CLEC16A: variants seen among roughly 807,000 people sequenced by gnomAD.
CLEC16A encodes the protein C-type lectin domain containing 16A, also known as protein CLEC16A.
CLEC16A carries 51 observed loss-of-function variants against 109.5 expected under a neutral mutation model. That is an observed-to-expected ratio of 0.47 (90% CI 0.37 to 0.59). The LOEUF (loss-of-function observed/expected upper bound fraction) is 0.59, where lower values mean the gene tolerates loss of function less well. Among genes scored for constraint, CLEC16A ranks in the 20% least tolerant of loss-of-function variants. CLEC16A has a pLI of 0.00. For synonymous variants in CLEC16A, 673 were observed against 564.2 expected (o/e 1.19, Z -2.73); for missense variants, 1,339 against 1,394.0 (o/e 0.96, Z 0.63).
chr16:10,945,178 C>A (rs1015273918), intron 1 of CLEC16A, among the ~76,000 whole-genome samples: 1 of 152,204 alleles, frequency 6.6e-6, no homozygotes, highest in African/African-American at 2.4e-5. Flanking sequence ...TCGGGCAGAT[C>A]TGGGTCCGAA....
chr16:10,962,136 G>T (rs2042278468), intron 2 of CLEC16A, among the ~76,000 whole-genome samples: 1 of 151,702 alleles, frequency 6.6e-6, no homozygotes, highest in Non-Finnish European at 1.5e-5. Context: ...TCTCTGTAGA[G>T]GTAGGGGTCT....
chr16:10,971,423 C>G, intron 5 of CLEC16A, 193 bp downstream of exon 5: 1 of 493,826 alleles, frequency 2.0e-6, no homozygotes, highest in South Asian at 8.7e-5. Context: ...CTTGCCTTCT[C>G]CAGGCATGTC....
chr16:11,119,841 G>T (rs1355695064), intron 19 of CLEC16A, among the ~76,000 whole-genome samples: 1 of 152,188 alleles, frequency 6.6e-6, no homozygotes, highest in Non-Finnish European at 1.5e-5. Flanking sequence ...GCCTTGGGTA[G>T]CATGGTCACT....
chr16:10,950,272 T>G (rs1360440795), intron 1 of CLEC16A, among the ~76,000 whole-genome samples: 1 of 152,222 alleles, frequency 6.6e-6, no homozygotes, highest in Non-Finnish European at 1.5e-5. Flanking sequence ...CCTGTATGGC[T>G]TGTTCAGCTG....
rs113029576 is a variant in CLEC16A, at chr16:10,995,625, A to G, written c.1072-7449A>G. 1.9e-3 allele frequency among the ~76,000 whole-genome samples: 296 copies of G among 152,238 alleles called. 2 individuals are homozygous for G. The highest frequency in any genetic ancestry group is 6.8e-3 in the African/African-American group (284 of 41,518). On this transcript the variant is annotated intron_variant, in intron 10 of 23. Coordinates refer to ENST00000409790, the MANE Select transcript of CLEC16A (RefSeq NM_015226.3). ...GAAAATTTCTCTGGTGCCCCCTTGT[A>G]CCAGGCATTTTGCCTGTTGGATCCC...
intron 23 of CLEC16A, among the ~76,000 whole-genome samples, chr16:11,171,311 G>A (rs145726804): frequency 5.9e-5 from 9 of 152,314 alleles, no homozygotes; most frequent in African/African-American, 1.7e-4. Context: ...TCCTTCGCAC[G>A]CCAGAGGCAG....
At chr16:11,040,068 G>C in intron 14 of CLEC16A, 192 bp downstream of exon 14, 1 of 602,092 alleles carries the variant, frequency 1.7e-6, no homozygotes. Context: ...TCTTAGCTCT[G>C]GGTCTCCTTT....
chr16:10,982,032 T>C (rs1288326513), intron 9 of CLEC16A, among the ~76,000 whole-genome samples: 1 of 152,258 alleles, frequency 6.6e-6, no homozygotes, highest in Non-Finnish European at 1.5e-5. Flanking sequence ...CCCTGGCCTA[T>C]GCATATGTAA....
intron 19 of CLEC16A, among the ~76,000 whole-genome samples, chr16:11,113,214 C>T (rs1326368197): frequency 2.0e-5 from 3 of 152,212 alleles, no homozygotes; most frequent in Non-Finnish European, 2.9e-5. Flanking sequence ...AGGCAGAGCC[C>T]GGCTGGCCAG....
intron 8 of CLEC16A, among the ~76,000 whole-genome samples, chr16:10,977,694 T>G (rs2146558167): frequency 6.6e-6 from 1 of 152,250 alleles, no homozygotes; most frequent in East Asian, 1.9e-4. Context: ...TTGTACTTTT[T>G]GGAAGAGACG....
At chr16:11,142,638 C>T (rs571114776) in intron 22 of CLEC16A, among the ~76,000 whole-genome samples, 35 of 152,304 alleles carry the variant, frequency 2.3e-4, no homozygotes, top group African/African-American at 7.9e-4. Flanking sequence ...GTCTGCTGGT[C>T]AGGAGCAAAT....
chr16:11,158,163 C>T (rs918283992), intron 22 of CLEC16A, among the ~76,000 whole-genome samples: 46 of 152,064 alleles, frequency 3.0e-4, no homozygotes, highest in Non-Finnish European at 7.4e-5. Flanking sequence ...AGTTTGTGTG[C>T]GAGGTCACAG....
chr16:11,132,485 C>A (rs1471601034), intron 22 of CLEC16A, among the ~76,000 whole-genome samples: 1 of 152,074 alleles, frequency 6.6e-6, no homozygotes, highest in Non-Finnish European at 1.5e-5. Context: ...CTGTGTCTGC[C>A]TTTTGGCTAT....
At chr16:10,971,540 A>G (rs2042787116) in intron 5 of CLEC16A, 4 of 983,640 alleles carry the variant, frequency 4.1e-6, no homozygotes, top group Non-Finnish European at 4.8e-6. Context: ...TGTCTTTTTA[A>G]TGTGTCATTT....
Position 10,982,971 on chromosome 16 carries a change from C to G in CLEC16A, c.1051C>G (p.Gln351Glu), listed in dbSNP as rs200192513. The stretch of plus-strand genomic sequence containing the variant: ...GTCTGAGATGTACGCTAAGACTGAA[C>G]AGGATATTCAGAGAAGTTCTGTAAG... Reference protein sequence around the residue: ...DLSEMYAKTEQDIQRSSAKPS... With the variant: ...DLSEMYAKTEEDIQRSSAKPS... The change falls in exon 10 of 24, where the codon CAG becomes GAG. Residue 351 changes from glutamine to glutamate, a missense_variant. Physicochemically the swap from Gln to Glu is conservative, Grantham distance 29. Coordinates refer to ENST00000409790, the MANE Select transcript of CLEC16A (RefSeq NM_015226.3). 9.0e-5 allele frequency: 144 copies of G among 1,605,030 alleles called. No individual in the cohort carries two copies. Among genetic ancestry groups the G allele is most frequent in the Non-Finnish European group, 1.2e-4 (140 of 1,171,936 alleles).
chr16:11,012,486 T>G (rs2045482589), intron 11 of CLEC16A, among the ~76,000 whole-genome samples: 1 of 149,800 alleles, frequency 6.7e-6, no homozygotes, highest in African/African-American at 2.5e-5. Flanking sequence ...TCCCAGCTAC[T>G]CGGGAGGCTG....
intron 4 of CLEC16A, among the ~76,000 whole-genome samples, chr16:10,970,464 TA>T (rs1166149096): frequency 1.3e-5 from 2 of 152,168 alleles, no homozygotes; most frequent in Non-Finnish European, 2.9e-5. Context: ...CCCCATGTTA[TA>T]GATGTAGAAA....
At chr16:11,001,867 GC>G (rs2152749611) in intron 10 of CLEC16A, among the ~76,000 whole-genome samples, 1 of 152,244 alleles carries the variant, frequency 6.6e-6, no homozygotes, top group South Asian at 2.1e-4. Flanking sequence ...TTGACTTATT[GC>G]TGATACTTAC....
intron 18 of CLEC16A, among the ~76,000 whole-genome samples, chr16:11,054,707 A>G (rs2048119678): frequency 6.6e-6 from 1 of 152,244 alleles, no homozygotes; most frequent in African/African-American, 2.4e-5. Flanking sequence ...TTGGCCACTC[A>G]TCTCACTACG....
Sources: allele counts gnomAD v4.1 joint callset (sites outside exome capture counted in the v4.1 genomes callset), GRCh38; gene constraint gnomAD v4.1.1; transcripts MANE v1.5; gene names NCBI Gene and HGNC (gene_info 2026-07-23, HGNC 2026-07-21).